FAM184A: variants seen among roughly 807,000 people sequenced by gnomAD.
FAM184A encodes protein FAM184A.
FAM184A carries 99 observed loss-of-function variants against 143.8 expected under a neutral mutation model. The ratio of observed to expected loss-of-function variants is 0.69; its 90% confidence interval spans 0.58 to 0.81. The LOEUF is 0.81. Ranked by LOEUF, FAM184A falls within the 40% of genes least tolerant of loss-of-function variation. The probability of loss-of-function intolerance (pLI) is 0.00; values close to 1 mark genes in which losing one functional copy is unlikely to be tolerated. For synonymous variants in FAM184A, 427 were observed against 446.4 expected (o/e 0.96, Z 0.55); for missense variants, 1,217 against 1,310.5 (o/e 0.93, Z 1.10).
chr6:119,112,243 T>C (rs1366615101), intron 1 of FAM184A, among the ~76,000 whole-genome samples: 1 of 151,558 alleles, frequency 6.6e-6, no homozygotes, highest in Admixed American at 6.6e-5. Context: ...GCAATTCTCC[T>C]GCCTCAGCCT....
At chr6:119,037,769 A>G in intron 1 of FAM184A, among the ~76,000 whole-genome samples, 1 of 152,244 alleles carries the variant, frequency 6.6e-6, no homozygotes, top group Non-Finnish European at 1.5e-5. Context: ...ATAAGTTTCA[A>G]CCTTCAAAAT....
chr6:119,117,659 C>A (rs1209915439), intron 1 of FAM184A, among the ~76,000 whole-genome samples: 1 of 152,156 alleles, frequency 6.6e-6, no homozygotes, highest in Non-Finnish European at 1.5e-5. Context: ...CTCAAAACAA[C>A]CCTGTGAAGT....
chr6:119,033,302 T>G (rs1467580529), intron 1 of FAM184A, among the ~76,000 whole-genome samples: 3 of 152,140 alleles, frequency 2.0e-5, no homozygotes, highest in Non-Finnish European at 4.4e-5. Flanking sequence ...TCTTACCTAT[T>G]TTACTGGTGA....
intron 1 of FAM184A, among the ~76,000 whole-genome samples, chr6:119,031,082 A>C (rs2114706269): frequency 6.6e-6 from 1 of 152,188 alleles, no homozygotes; most frequent in African/African-American, 2.4e-5. Context: ...TTCCTATGAT[A>C]AATCTTTTTT....
At chr6:119,015,893 A>C (rs1276428691) in intron 5 of FAM184A, among the ~76,000 whole-genome samples, 1 of 152,160 alleles carries the variant, frequency 6.6e-6, no homozygotes, top group Non-Finnish European at 1.5e-5. Context: ...GCACCAATCG[A>C]CACTCTGTAT....
intron 4 of FAM184A, 117 bp from the exon 5 acceptor site, chr6:119,017,061 G>C (rs1052780427): frequency 4.5e-6 from 3 of 665,996 alleles, no homozygotes; most frequent in Non-Finnish European, 7.6e-6. Context: ...ACGGGATCTA[G>C]ACTATGAAAC....
chr6:119,095,614 A>T (rs1384530533), intron 1 of FAM184A, among the ~76,000 whole-genome samples: 1 of 152,126 alleles, frequency 6.6e-6, no homozygotes, highest in African/African-American at 2.4e-5. Context: ...GCTACAGTGC[A>T]ATGGTGTGAT....
rs1017551243 is a variant in FAM184A at position 119,021,840 on chromosome 6, G to A, written c.1150+1105C>T. Reference sequence around the variant, plus strand: ...AAAATTAAAAAATTAGCCAGCCAAGGTGGTGCATGCCTGTGGTCCCAGCTA... The same window carrying A: ...AAAATTAAAAAATTAGCCAGCCAAGATGGTGCATGCCTGTGGTCCCAGCTA... On this transcript the variant is annotated intron_variant, in intron 3 of 17. Transcript: ENST00000338891. Among the ~76,000 whole-genome samples the A allele has an allele frequency of 2.6e-5, 4 of 151,982 alleles. No individual in the cohort carries two copies. The East Asian group carries it at 7.7e-4, about 29-fold the overall frequency.
At chr6:119,092,891 T>C (rs1051889905) in intron 1 of FAM184A, among the ~76,000 whole-genome samples, 3 of 152,200 alleles carry the variant, frequency 2.0e-5, no homozygotes, top group African/African-American at 4.8e-5. Flanking sequence ...AGTAATATTT[T>C]TGTAGGCTGC....
chr6:119,149,101 T>A (rs572426474), exon 1 of FAM184A: 16 of 152,328 alleles, frequency 1.1e-4, no homozygotes, highest in Non-Finnish European at 1.5e-4. Flanking sequence ...AAATGATTTC[T>A]TCTTTTGTTT....
intron 1 of FAM184A, among the ~76,000 whole-genome samples, chr6:119,027,607 A>G (rs1241536229): frequency 6.6e-6 from 1 of 152,176 alleles, no homozygotes. Flanking sequence ...CTAGCCCCGG[A>G]GGTAATTCAG....
chr6:119,022,191 G>A (rs1785471579), intron 3 of FAM184A, among the ~76,000 whole-genome samples: 1 of 150,768 alleles, frequency 6.6e-6, no homozygotes, highest in South Asian at 2.1e-4. Context: ...CTTAGTAGCT[G>A]GAATTACAAG....
intron 1 of FAM184A, among the ~76,000 whole-genome samples, chr6:119,036,218 T>TC (rs1358433107): frequency 1.3e-5 from 2 of 150,234 alleles, no homozygotes; most frequent in African/African-American, 4.9e-5. Flanking sequence ...TCCAGTGTCT[T>TC]TTTTTTTTTA....
intron 1 of FAM184A, among the ~76,000 whole-genome samples, chr6:119,030,389 A>T (rs1433266752): frequency 6.6e-6 from 1 of 152,078 alleles, no homozygotes; most frequent in Admixed American, 6.5e-5. Context: ...GTAACTATTT[A>T]TTAGTGTCCT....
intron 4 of FAM184A, among the ~76,000 whole-genome samples, chr6:119,018,205 T>C (rs1785329890): frequency 6.6e-6 from 1 of 152,150 alleles, no homozygotes; most frequent in African/African-American, 2.4e-5. Flanking sequence ...TGCATGTGTG[T>C]GTGTGTTTCA....
At chr6:119,034,033 TATATATATAG>T (rs1464235380) in intron 1 of FAM184A, among the ~76,000 whole-genome samples, 12 of 25,230 alleles carry the variant, frequency 4.8e-4, no homozygotes, top group East Asian at 2.4e-3. Context: ...TATATATATA[TATATATATAG>T]AGAGAGAGAG....
chr6:119,065,247 G>A (rs1359358007), intron 1 of FAM184A, among the ~76,000 whole-genome samples: 1 of 152,018 alleles, frequency 6.6e-6, no homozygotes, highest in Non-Finnish European at 1.5e-5. Context: ...CCACCCCTCA[G>A]ATCACTTACT....
At chr6:119,080,646 G>A (rs560147566), upstream of FAM184A, among the ~76,000 whole-genome samples, 34 of 152,212 alleles carry the variant, frequency 2.2e-4, no homozygotes, top group African/African-American at 7.9e-4. Flanking sequence ...TGGAATATTT[G>A]CATTATACTT....
chr6:119,036,338 A>C (rs1223529121), intron 1 of FAM184A, among the ~76,000 whole-genome samples: 7 of 152,172 alleles, frequency 4.6e-5, no homozygotes, highest in Non-Finnish European at 1.0e-4. Context: ...ACAGTTCACA[A>C]AAGGAGCTCA....
Sources: allele counts gnomAD v4.1 joint callset (sites outside exome capture counted in the v4.1 genomes callset), GRCh38; gene constraint gnomAD v4.1.1; transcripts MANE v1.5; gene names NCBI Gene and HGNC (gene_info 2026-07-23, HGNC 2026-07-21).